ZNF385D: variants seen among roughly 807,000 people sequenced by gnomAD.
The protein encoded by ZNF385D is zinc finger protein 659.
ZNF385D carries 15 observed loss-of-function variants against 35.8 expected under a neutral mutation model. That is an observed-to-expected ratio of 0.42 (90% CI 0.28 to 0.64). The LOEUF is 0.64. ZNF385D is among the 30% of genes least tolerant of loss of function. The pLI is 0.23. For synonymous variants in ZNF385D, 212 were observed against 186.8 expected, an observed-to-expected ratio of 1.13 and a Z score of -1.10; for missense variants, 474 against 494.6, an observed-to-expected ratio of 0.96 and a Z score of 0.39.
chr3:22,112,526 G>T (rs1371176847), intron 3 of ZNF385D, among the ~76,000 whole-genome samples: 1 of 152,054 alleles, frequency 6.6e-6, no homozygotes, highest in Admixed American at 6.6e-5. Flanking sequence ...ATTTATCAAT[G>T]TATGTAAATC....
chr3:21,886,674 T>C (rs1481923953), intron 3 of ZNF385D, among the ~76,000 whole-genome samples: 1 of 152,148 alleles, frequency 6.6e-6, no homozygotes, highest in African/African-American at 2.4e-5. Flanking sequence ...AATGGAGGTA[T>C]AGACAGCTGA....
chr3:22,161,935 A>T (rs1705982100), intron 3 of ZNF385D, among the ~76,000 whole-genome samples: 1 of 152,174 alleles, frequency 6.6e-6, no homozygotes. Context: ...TTCTGAAGAC[A>T]AACAGCTTTA....
rs536531393 is a variant in ZNF385D at position 21,735,621 on chromosome 3, G to A, written c.22+15274C>T. Among the ~76,000 whole-genome samples, 113 of 152,198 alleles carry A rather than the reference G, an allele frequency of 7.4e-4. 3 individuals are homozygous for A. Among genetic ancestry groups the A allele is most frequent in the African/African-American group, 2.6e-3 (107 of 41,538 alleles). ...GAACAGAGGGGATGTAAATTAGGAC[G>A]CTAGACTGATTTCTACACAGCATTC... On this transcript the variant is annotated intron_variant, in intron 1 of 7. Coordinates refer to ENST00000281523, the MANE Select transcript of ZNF385D (RefSeq NM_024697.3).
chr3:22,217,139 AT>A (rs1480120620), intron 2 of ZNF385D, among the ~76,000 whole-genome samples: 2 of 152,152 alleles, frequency 1.3e-5, no homozygotes, highest in Admixed American at 1.3e-4. Context: ...GAAGAGACCA[AT>A]TAGAGTACTA....
At chr3:22,179,061 G>C (rs376149605) in intron 2 of ZNF385D, among the ~76,000 whole-genome samples, 1 of 152,048 alleles carries the variant, frequency 6.6e-6, no homozygotes, top group Non-Finnish European at 1.5e-5. Context: ...TTGACTTGGC[G>C]ATGTGGGCTC....
chr3:21,742,751 T>A (rs555343693), intron 1 of ZNF385D, among the ~76,000 whole-genome samples: 1 of 152,206 alleles, frequency 6.6e-6, no homozygotes, highest in Non-Finnish European at 1.5e-5. Context: ...TTTCTTGCGA[T>A]TGCTACTCTA....
Position 21,413,470 on chromosome 3 carries a change from C to T in ZNF385D, c.*7744G>A, listed in dbSNP as rs1321594420. The T allele has an allele frequency of 2.0e-5, 3 of 152,032 alleles. No homozygotes were observed. The highest frequency in any genetic ancestry group is 2.9e-5 in the Non-Finnish European group (2 of 67,964). The allele number at this position is 152,032 out of a possible 1,614,324, so 9.4% of individuals were successfully genotyped here. On this transcript the variant is annotated 3_prime_UTR_variant, in exon 8 of 8. Coordinates refer to ENST00000281523, the MANE Select transcript of ZNF385D (RefSeq NM_024697.3). ...AAGTCAATGCTTTGCCACCCCCCAGCTTTGTTAGTTTTTGTAAAATCAAAT... is the reference window on the plus strand; with the variant it reads ...AAGTCAATGCTTTGCCACCCCCCAGTTTTGTTAGTTTTTGTAAAATCAAAT...
At chr3:21,842,438 G>A (rs1490432837) in intron 3 of ZNF385D, among the ~76,000 whole-genome samples, 1 of 151,922 alleles carries the variant, frequency 6.6e-6, no homozygotes, top group African/African-American at 2.4e-5. Context: ...CAGCCGTTAT[G>A]AATTGAATTT....
intron 5 of ZNF385D, among the ~76,000 whole-genome samples, chr3:21,432,800 A>T (rs977982440): frequency 2.6e-5 from 4 of 152,058 alleles, no homozygotes; most frequent in African/African-American, 9.7e-5. Context: ...TAAAAAAAAA[A>T]AAATCAAAGT....
At chr3:22,139,913 C>T (rs924148672) in intron 3 of ZNF385D, among the ~76,000 whole-genome samples, 1 of 151,994 alleles carries the variant, frequency 6.6e-6, no homozygotes, top group African/African-American at 2.4e-5. Context: ...ATCTACACTC[C>T]CATTAAAATG....
At chr3:21,789,330 T>C (rs183989059) in intron 3 of ZNF385D, among the ~76,000 whole-genome samples, 62 of 152,146 alleles carry the variant, frequency 4.1e-4, no homozygotes, top group Admixed American at 3.7e-3. Flanking sequence ...GTAAGAAAAA[T>C]ATAAACCCCA....
chr3:22,268,410 ATGT>A (rs1473002665), intron 2 of ZNF385D, among the ~76,000 whole-genome samples: 2 of 152,022 alleles, frequency 1.3e-5, no homozygotes, highest in Admixed American at 1.3e-4. Context: ...GATGTTATAC[ATGT>A]TATTAATTTT....
At chr3:21,699,720 TTTAAA>T (rs1219323015) in intron 1 of ZNF385D, among the ~76,000 whole-genome samples, 38 of 152,004 alleles carry the variant, frequency 2.5e-4, no homozygotes, top group Admixed American at 2.2e-3. Context: ...AAATACATTA[TTTAAA>T]TTAATTTTCC....
chr3:22,186,564 T>C (rs958296586), intron 2 of ZNF385D, among the ~76,000 whole-genome samples: 1 of 152,186 alleles, frequency 6.6e-6, no homozygotes, highest in Non-Finnish European at 1.5e-5. Context: ...CCTGATTTCA[T>C]GACCATCATG....
At chr3:21,982,257 T>C (rs540291592) in intron 3 of ZNF385D, among the ~76,000 whole-genome samples, 4 of 152,094 alleles carry the variant, frequency 2.6e-5, no homozygotes, top group African/African-American at 7.2e-5. Context: ...CTTTGAGCAA[T>C]GTTTTGTAAT....
chr3:21,784,017 T>G (rs918005274), intron 3 of ZNF385D, among the ~76,000 whole-genome samples: 1 of 152,150 alleles, frequency 6.6e-6, no homozygotes, highest in Non-Finnish European at 1.5e-5. Context: ...CAGACTGCAG[T>G]ACAGTGTTAT....
intron 1 of ZNF385D, among the ~76,000 whole-genome samples, chr3:21,729,543 C>T (rs377348762): frequency 2.0e-5 from 3 of 152,098 alleles, no homozygotes; most frequent in African/African-American, 7.2e-5. Context: ...TCTCTCTCCC[C>T]ACAAGGTACT....
intron 3 of ZNF385D, among the ~76,000 whole-genome samples, chr3:21,929,489 T>C (rs770779832): frequency 5.9e-5 from 9 of 152,058 alleles, no homozygotes; most frequent in Non-Finnish European, 1.3e-4. Context: ...AAAAAGTGTT[T>C]GGATTATAAA....
intron 3 of ZNF385D, among the ~76,000 whole-genome samples, chr3:21,802,547 A>G (rs542410364): frequency 7.1e-6 from 1 of 141,132 alleles, no homozygotes; most frequent in Admixed American, 7.0e-5. Context: ...ATGGATCTAC[A>G]TTGATTTAAA....
Sources: gnomAD v4.1 joint callset for allele counts (sites outside exome capture counted in the v4.1 genomes callset) on GRCh38, gnomAD v4.1.1 for gene constraint, MANE v1.5 for transcripts, NCBI Gene and HGNC (gene_info 2026-07-23, HGNC 2026-07-21) for gene names.